NIPSNAP2: variants seen among roughly 807,000 people sequenced by gnomAD.
NIPSNAP2 encodes nipsnap homolog 2, also known as protein NipSnap homolog 2.
Under a neutral mutation model 48.4 loss-of-function variants are expected in NIPSNAP2, and 42 were observed. That is an observed-to-expected ratio of 0.87 (90% CI 0.68 to 1.12). The LOEUF (loss-of-function observed/expected upper bound fraction) is 1.12. Ranked by LOEUF, NIPSNAP2 falls within the 50% of genes most tolerant of loss-of-function variation. NIPSNAP2 has a pLI of 0.00. For synonymous variants in NIPSNAP2, 158 were observed against 126.6 expected (o/e 1.25, Z -1.67); for missense variants, 314 against 347.3 (o/e 0.90, Z 0.76).
intron 1 of NIPSNAP2, among the ~76,000 whole-genome samples, chr7:55,974,113 T>A (rs1787062461): frequency 6.6e-6 from 1 of 151,834 alleles, no homozygotes; most frequent in Non-Finnish European, 1.5e-5. Flanking sequence ...TAGTCCCAGA[T>A]AGTCAGGAGG....
chr7:55,981,252 T>C (rs769343656), intron 3 of NIPSNAP2: 9 of 385,742 alleles, frequency 2.3e-5, no homozygotes, highest in Non-Finnish European at 4.3e-5. Flanking sequence ...CTCTTCTAGA[T>C]AGTTGGGGTA....
Position 55,981,581 on chromosome 7 carries a change from T to G in NIPSNAP2, c.373+14T>G. On this transcript the variant is annotated intron_variant, in intron 4 of 9. Coordinates refer to ENST00000322090, the MANE Select transcript of NIPSNAP2 (RefSeq NM_001483.3). ...AGGACCAAGCTGGTAGGAAGCGAAG[T>G]CTTTGGAATAAACACTTCTTCCTTA... The G allele has an allele frequency of 6.3e-7, 1 of 1,588,260 alleles. No individual in the cohort carries two copies. The highest frequency in any genetic ancestry group is 1.3e-5 in the African/African-American group (1 of 74,454).
chr7:55,987,206 C>A (rs1787348694), intron 7 of NIPSNAP2, among the ~76,000 whole-genome samples: 1 of 152,054 alleles, frequency 6.6e-6, no homozygotes, highest in Non-Finnish European at 1.5e-5. Flanking sequence ...AGTCCCACTT[C>A]TGGATATATA....
At chr7:55,991,742 C>CT (rs1467282040) in intron 7 of NIPSNAP2, 8 of 152,294 alleles carry the variant, frequency 5.3e-5, no homozygotes, top group Admixed American at 1.8e-4. Context: ...GAGTGAAACT[C>CT]TGTCTCAAAA....
rs1387517890 is a variant in NIPSNAP2 at position 55,983,906 on chromosome 7, T to A, written c.585+38T>A. ...ATATAAGTTATTCCTTTTACTCCTC[T>A]GTGAAAAAGCACAAGCATTTTGTAA... On this transcript the variant is annotated intron_variant, in intron 6 of 9. Coordinates refer to ENST00000322090, the MANE Select transcript of NIPSNAP2 (RefSeq NM_001483.3). The A allele has an allele frequency of 1.9e-6, 3 of 1,592,174 alleles. No homozygotes were observed. The African/African-American group carries it at 4.0e-5, about 21-fold the overall frequency.
intron 1 of NIPSNAP2, among the ~76,000 whole-genome samples, chr7:55,977,098 A>AT (rs34599696): frequency 1.7e-4 from 26 of 151,128 alleles, no homozygotes; most frequent in Admixed American, 3.3e-4. Flanking sequence ...ACAAATCTTG[A>AT]TTTTTTTTTT....
intron 3 of NIPSNAP2, chr7:55,979,550 G>C: frequency 3.0e-6 from 1 of 334,660 alleles, no homozygotes; most frequent in Admixed American, 3.9e-5. Flanking sequence ...CATGTATTTT[G>C]GTTCTCTTGT....
chr7:55,979,687 G>A (rs1787173312), intron 3 of NIPSNAP2: 1 of 442,894 alleles, frequency 2.3e-6, no homozygotes, highest in African/African-American at 2.0e-5. Flanking sequence ...TTACCCCAAA[G>A]TTTGTCAGAT....
chr7:55,977,592 A>G (rs947940776), intron 1 of NIPSNAP2, among the ~76,000 whole-genome samples: 1 of 152,208 alleles, frequency 6.6e-6, no homozygotes. Flanking sequence ...CATCACCACT[A>G]TCTGTTTCCA....
rs2116352050 is a variant in NIPSNAP2 at position 55,982,155 on chromosome 7, A to G, written c.374-55A>G. On this transcript the variant is annotated intron_variant, in intron 4 of 9. Coordinates refer to ENST00000322090, the MANE Select transcript of NIPSNAP2 (RefSeq NM_001483.3). ...CGTTATACCTATCTAGAACATTTTC[A>G]AGTAGTAGTATCATGAAATTCTAAA... The G allele has an allele frequency of 3.6e-6, 4 of 1,123,856 alleles. No homozygotes were observed. In the East Asian group the frequency reaches 7.2e-5, roughly 20 times the overall value. The allele number at this position is 1,123,856 out of a possible 1,614,324, so 69.6% of individuals were successfully genotyped here. A position where few individuals can be genotyped will look rare whatever the true frequency, so the allele number is the denominator to read the frequency against.
At chr7:55,996,910 G>A (rs930283019) in intron 8 of NIPSNAP2, among the ~76,000 whole-genome samples, 5 of 152,108 alleles carry the variant, frequency 3.3e-5, no homozygotes, top group African/African-American at 1.2e-4. Flanking sequence ...GCCAGGCGTG[G>A]TGGCTCACCC....
Position 55,999,034 on chromosome 7 carries a change from A to C in NIPSNAP2, c.823A>C (p.Arg275=), listed in dbSNP as rs1229486754. 26 of 1,614,072 alleles carry C rather than the reference A, an allele frequency of 1.6e-5. No individual in the cohort carries two copies. The highest frequency in any genetic ancestry group is 2.2e-5 in the Non-Finnish European group (26 of 1,179,940). ...TVPLIQEMES[R]IMIPLKTSPL... is the part of the protein sequence containing the mutation. ...TCCACTTATTCAGGAAATGGAATCC[A>C]GAATCATGATCCCACTGAAGACCTC... The change falls in exon 10 of 10, where the codon AGA becomes CGA. Residue 275 remains arginine (R), a synonymous_variant. Coordinates refer to ENST00000322090, the MANE Select transcript of NIPSNAP2 (RefSeq NM_001483.3).
At position 55,998,938 on chromosome 7, in the gene NIPSNAP2, GTC is replaced by G. The variant is rs370132852; in HGVS notation, c.797-68_797-67del. On this transcript the variant is annotated intron_variant, in intron 9 of 9. Coordinates refer to ENST00000322090, the MANE Select transcript of NIPSNAP2 (RefSeq NM_001483.3). ...CATCTGTGAACATTCTCGGCAATCT[GTC>G]TGTTAGTGTCATTTACCATAATGTG... The G allele has an allele frequency of 1.7e-5, 21 of 1,239,078 alleles. No individual in the cohort carries two copies. In the African/African-American group the frequency reaches 3.0e-4, roughly 17 times the overall value. The allele number at this position is 1,239,078 out of a possible 1,614,324, so 76.8% of individuals were successfully genotyped here.
rs113249782 is a variant in NIPSNAP2 at position 55,966,420 on chromosome 7, A to G, written c.92+1719A>G. ...CCAGGAGTTTGAGACCAGCCTGGGC[A>G]ACATAGTGGAACTCTGTCCCTAATA... On this transcript the variant is annotated intron_variant, in intron 1 of 9. Transcript: ENST00000322090. Among the ~76,000 whole-genome samples, 132 of 152,294 alleles carry G rather than the reference A, an allele frequency of 8.7e-4. 2 individuals are homozygous for G. Among genetic ancestry groups the G allele is most frequent in the African/African-American group, 3.0e-3 (126 of 41,566 alleles).
At chr7:55,995,362 C>G (rs551292583) in intron 8 of NIPSNAP2, among the ~76,000 whole-genome samples, 338 of 152,320 alleles carry the variant, frequency 2.2e-3, no homozygotes, top group Non-Finnish European at 4.0e-3. Context: ...GCAGCAGCTT[C>G]CTGCACATAC....
chr7:55,991,329 T>C (rs1004066627), intron 7 of NIPSNAP2, among the ~76,000 whole-genome samples: 1 of 152,188 alleles, frequency 6.6e-6, no homozygotes, highest in South Asian at 2.1e-4. Context: ...TTTTGGACTA[T>C]TGTTGTTAAT....
At chr7:55,988,949 T>TA (rs1211116762) in intron 7 of NIPSNAP2, among the ~76,000 whole-genome samples, 1 of 151,764 alleles carries the variant, frequency 6.6e-6, no homozygotes, top group Non-Finnish European at 1.5e-5. Context: ...TATAAACACT[T>TA]ATATATATGT....
intron 1 of NIPSNAP2, among the ~76,000 whole-genome samples, chr7:55,974,082 G>A (rs1037045208): frequency 1.1e-4 from 17 of 151,842 alleles, no homozygotes; most frequent in Admixed American, 9.2e-4. Context: ...AAGATTAGCC[G>A]GATGTGGTGG....
intron 1 of NIPSNAP2, among the ~76,000 whole-genome samples, chr7:55,973,338 T>G (rs1359601520): frequency 6.6e-6 from 1 of 152,162 alleles, no homozygotes; most frequent in East Asian, 1.9e-4. Flanking sequence ...AAAATTGCAT[T>G]TACTGGTATT....
Sources: allele counts gnomAD v4.1 joint callset (sites outside exome capture counted in the v4.1 genomes callset), GRCh38; gene constraint gnomAD v4.1.1; transcripts MANE v1.5; gene names NCBI Gene and HGNC (gene_info 2026-07-23, HGNC 2026-07-21).